Variants in BCCIP observed in about 807,000 individuals in gnomAD.
The protein encoded by BCCIP is BRCA2 and CDKN1A-interacting protein.
Under a neutral mutation model 32.8 loss-of-function variants are expected in BCCIP, and 23 were observed. The observed-to-expected ratio is 0.70, with a 90% CI of 0.51 to 0.99. The LOEUF (loss-of-function observed/expected upper bound fraction) is 0.99, where lower values mean the gene tolerates loss of function less well. Ranked by LOEUF, BCCIP falls within the 50% of genes least tolerant of loss-of-function variation. The pLI is 0.00. For synonymous variants in BCCIP, 144 were observed against 137.6 expected (o/e 1.05, Z -0.33); for missense variants, 378 against 379.8 (o/e 1.00, Z 0.04).
chr10:125,842,165 T>A (rs560869095), exon 7 of BCCIP: 1 of 542,586 alleles, frequency 1.8e-6, no homozygotes, highest in South Asian at 2.8e-5. Flanking sequence ...GGGTCCCAGC[T>A]GCAGTGTGCA....
chr10:125,843,924 C>T (rs1854945261), downstream of BCCIP, among the ~76,000 whole-genome samples: 1 of 152,308 alleles, frequency 6.6e-6, no homozygotes, highest in South Asian at 2.1e-4. Context: ...TTCATCCTTA[C>T]CTTGGGGCAA....
intron 6 of BCCIP, 62 bp downstream of exon 6, chr10:125,834,008 A>C (rs1386220487): frequency 6.4e-6 from 10 of 1,555,424 alleles, no homozygotes; most frequent in African/African-American, 1.4e-5. Context: ...ATGATTTATC[A>C]AGATTTATTG....
At chr10:125,843,131 G>A (rs974883472), downstream of BCCIP, among the ~76,000 whole-genome samples, 1 of 152,024 alleles carries the variant, frequency 6.6e-6, no homozygotes, top group Admixed American at 6.6e-5. Context: ...CTGCTGTATT[G>A]TTATACCCCA....
chr10:125,837,058 AT>A (rs1195047232), downstream of BCCIP, among the ~76,000 whole-genome samples: 25 of 152,220 alleles, frequency 1.6e-4, 1 homozygote, highest in South Asian at 2.1e-4. Flanking sequence ...CATTTCTAGA[AT>A]AAGTTGGCCT....
intron 5 of BCCIP, among the ~76,000 whole-genome samples, chr10:125,832,477 T>C (rs189217149): frequency 3.3e-5 from 5 of 152,362 alleles, no homozygotes; most frequent in Non-Finnish European, 7.3e-5. Flanking sequence ...TCGATGCTTC[T>C]TATCTCCTGC....
chr10:125,853,567 T>C (rs575738896), exon 8 of BCCIP: 10 of 214,140 alleles, frequency 4.7e-5, no homozygotes, highest in African/African-American at 2.3e-4. Flanking sequence ...CTAATTACTC[T>C]GATAAAGGGG....
At chr10:125,852,686 A>G (rs751613860) in intron 7 of BCCIP, 1 of 1,538,484 alleles carries the variant, frequency 6.5e-7, no homozygotes, top group South Asian at 1.2e-5. Flanking sequence ...ATAAGTCATG[A>G]TTCAGTAGGC....
chr10:125,838,895 G>T, downstream of BCCIP: 1 of 1,272,806 alleles, frequency 7.9e-7, no homozygotes, highest in Non-Finnish European at 1.1e-6. Flanking sequence ...TGGATTTTTA[G>T]TTTTACTTAA....
downstream of BCCIP, among the ~76,000 whole-genome samples, chr10:125,845,387 CATT>C (rs1309640665): frequency 1.8e-4 from 28 of 152,190 alleles, no homozygotes; most frequent in African/African-American, 5.8e-4. Flanking sequence ...AGGTAGCTGA[CATT>C]ATGCAAATGT....
chr10:125,832,154 C>T (rs4962491), intron 5 of BCCIP, among the ~76,000 whole-genome samples: 143,096 of 152,252 alleles, frequency 0.94, 67,312 homozygotes, highest in African/African-American at 0.96. Context: ...TGCTTTGCAA[C>T]AGAGGACAAA....
In BCCIP at chr10:125,823,546, G is replaced by A. The variant is rs774167247; in HGVS notation, c.-12G>A. 5 of 1,612,956 alleles carry A rather than the reference G, an allele frequency of 3.1e-6. No homozygotes were observed. The highest frequency in any genetic ancestry group is 4.5e-5 in the East Asian group (2 of 44,882). ...CAAGGGGAAGCTGCGCAGGCGCAGTGTGAGCGGCAACATGGCGTCCAGGTC... is the reference window on the plus strand; with the variant it reads ...CAAGGGGAAGCTGCGCAGGCGCAGTATGAGCGGCAACATGGCGTCCAGGTC... On this transcript the variant is annotated 5_prime_UTR_variant, in exon 1 of 7. In the 5' UTR this introduces an upstream ATG that the reference lacks. Coordinates refer to ENST00000278100, the MANE Select transcript of BCCIP (RefSeq NM_078468.3).
At chr10:125,842,125 CCT>C (rs1196033122) in exon 7 of BCCIP, 4 of 734,158 alleles carry the variant, frequency 5.4e-6, no homozygotes, top group African/African-American at 3.7e-5. Context: ...GGAGGGGAGC[CCT>C]GTGATTGTCC....
At chr10:125,839,263 C>T, downstream of BCCIP, 1 of 1,483,946 alleles carries the variant, frequency 6.7e-7, no homozygotes, top group East Asian at 2.3e-5. Flanking sequence ...CAGGCAGTTG[C>T]CATCTTTAAG....
chr10:125,852,318 G>C (rs1395443185), intron 7 of BCCIP: 1 of 1,614,132 alleles, frequency 6.2e-7, no homozygotes, highest in Non-Finnish European at 8.5e-7. Context: ...AGTCACAGTG[G>C]CCTAGGCCCG....
chr10:125,827,222 T>A (rs138956294), intron 2 of BCCIP, among the ~76,000 whole-genome samples: 1 of 152,214 alleles, frequency 6.6e-6, no homozygotes, highest in Middle Eastern at 3.4e-3. Context: ...CTCCTTATTC[T>A]TTTACTCATA....
At chr10:125,835,761 C>A (rs538928082) in intron 6 of BCCIP, among the ~76,000 whole-genome samples, 2 of 152,314 alleles carry the variant, frequency 1.3e-5, no homozygotes, top group East Asian at 3.9e-4. Context: ...TGTTTGAAGA[C>A]AAGTTCTTGT....
chr10:125,853,164 AG>A lies in BCCIP; in HGVS notation c.892del (p.Ala298LeufsTer3), dbSNP rs1265145882. ...CAAGTGACAGCCCTGGTTTCTCTGA[AG>A]GCTGGACTAATTCAATCAAGATCAA... On this transcript the variant is annotated frameshift_variant, in exon 8 of 8. Coordinates refer to the BCCIP transcript ENST00000368759. LOFTEE classifies it low-confidence loss of function (END_TRUNC). 6.2e-7 allele frequency: 1 copy of A among 1,613,248 alleles called. No individual in the cohort carries two copies.
downstream of BCCIP, among the ~76,000 whole-genome samples, chr10:125,837,534 C>G (rs1043531477): frequency 6.6e-6 from 1 of 152,162 alleles, no homozygotes; most frequent in Admixed American, 6.5e-5. Flanking sequence ...CTCAAGCGAT[C>G]CTCTGTCGCA....
chr10:125,846,200 A>G (rs1274533430), downstream of BCCIP, among the ~76,000 whole-genome samples: 1 of 152,224 alleles, frequency 6.6e-6, no homozygotes, highest in Non-Finnish European at 1.5e-5. Context: ...TCTTACAGCC[A>G]GGAAGCTGGC....
Sources: gnomAD v4.1 joint callset for allele counts (sites outside exome capture counted in the v4.1 genomes callset) on GRCh38, gnomAD v4.1.1 for gene constraint, MANE v1.5 for transcripts, NCBI Gene and HGNC (gene_info 2026-07-23, HGNC 2026-07-21) for gene names.